SH3GL3: variants seen among roughly 807,000 people sequenced by gnomAD.
SH3GL3 encodes SH3 domain containing GRB2 like 3, endophilin A3, also known as endophilin-A3.
SH3GL3 carries 33 observed loss-of-function variants against 47.7 expected under a neutral mutation model. The observed-to-expected ratio is 0.69, with a 90% CI of 0.52 to 0.92. The LOEUF (loss-of-function observed/expected upper bound fraction) is 0.92. SH3GL3 is among the 40% of genes least tolerant of loss of function. The pLI is 0.00. For missense variants in SH3GL3, 363 were observed against 417.8 expected (o/e 0.87, Z 1.14); for synonymous variants, 155 against 148.8 (o/e 1.04, Z -0.30).
At chr15:83,588,513 G>C (rs952408251) in intron 7 of SH3GL3, 149 bp from the exon 8 acceptor site, 1 of 602,680 alleles carries the variant, frequency 1.7e-6, no homozygotes, top group Non-Finnish European at 3.0e-6. Flanking sequence ...CCATCACTTC[G>C]GGCTACTCAA....
At chr15:83,607,651 A>T (rs2060553761) in intron 8 of SH3GL3, among the ~76,000 whole-genome samples, 3 of 152,076 alleles carry the variant, frequency 2.0e-5, no homozygotes, top group Admixed American at 2.0e-4. Context: ...TTTCAAGAGA[A>T]GCCAGAAACC....
chr15:83,566,245 C>T (rs1029225085), intron 3 of SH3GL3, among the ~76,000 whole-genome samples: 10 of 152,068 alleles, frequency 6.6e-5, no homozygotes, highest in African/African-American at 2.4e-4. Context: ...CTGGTTATTC[C>T]TAGAGAAGAG....
At chr15:83,568,366 T>G (rs1164890090) in intron 3 of SH3GL3, among the ~76,000 whole-genome samples, 163 bp from the exon 4 acceptor site, 1 of 152,148 alleles carries the variant, frequency 6.6e-6, no homozygotes, top group Non-Finnish European at 1.5e-5. Context: ...CCTAGAAAAT[T>G]ACCTGAGAAA....
At chr15:83,525,912 T>C (rs1382079926) in intron 1 of SH3GL3, among the ~76,000 whole-genome samples, 2 of 152,178 alleles carry the variant, frequency 1.3e-5, no homozygotes, top group Non-Finnish European at 2.9e-5. Flanking sequence ...CCGTGATGCT[T>C]TGATTACTAT....
intron 8 of SH3GL3, among the ~76,000 whole-genome samples, chr15:83,593,633 A>G (rs989164479): frequency 6.6e-6 from 1 of 152,138 alleles, no homozygotes; most frequent in Non-Finnish European, 1.5e-5. Context: ...TGTTCACGTC[A>G]TCTATAAATG....
At chr15:83,628,241 A>G in the SH3GL3 span, among the ~76,000 whole-genome samples, 1 of 152,232 alleles carries the variant, frequency 6.6e-6, no homozygotes, top group Non-Finnish European at 1.5e-5. Flanking sequence ...AGAAACTAGA[A>G]GAATGGGAAG....
At position 83,570,549 on chromosome 15, in the gene SH3GL3, A is replaced by C. The variant is rs77274766; in HGVS notation, c.331+1877A>C. Among the ~76,000 whole-genome samples, 3,972 of 152,320 alleles carry C rather than the reference A, an allele frequency of 0.026. 211 individuals are homozygous for C. In the East Asian group the frequency reaches 0.27, roughly 10 times the overall value. On this transcript the variant is annotated intron_variant, in intron 4 of 8. Transcript: ENST00000427482. ...ATTAAATTTTGATTGAGATTCATTT[A>C]AATTAATACATTAAATTGAGGATGA...
At chr15:83,628,310 C>T in the SH3GL3 span, among the ~76,000 whole-genome samples, 2 of 152,144 alleles carry the variant, frequency 1.3e-5, no homozygotes, top group African/African-American at 2.4e-5. Context: ...TCAGAGAAGA[C>T]TCAAGTTTTC....
Position 83,447,718 on chromosome 15 carries a change from G to C in SH3GL3, c.45+140G>C, listed in dbSNP as rs1401054114. 1.8e-6 allele frequency: 1 copy of C among 548,698 alleles called. No individual in the cohort carries two copies. The highest frequency in any genetic ancestry group is 3.0e-6 in the Non-Finnish European group (1 of 330,772). 34.0% of individuals were successfully genotyped at this position (548,698 alleles called of 1,614,324 possible). On this transcript the variant is annotated intron_variant, in intron 1 of 8. Transcript: ENST00000427482. This position sits in a 1 kb window ranked among gnomAD's most constrained non-coding sequence, Gnocchi z 5.1. ...TCTTCCCGCCTAGGAGGGCGCGAGG[G>C]TGGGGTGAGGGGCCGCCTGCTCTCT...
chr15:83,624,363 A>G, the SH3GL3 span, among the ~76,000 whole-genome samples: 28 of 152,276 alleles, frequency 1.8e-4, no homozygotes, highest in Non-Finnish European at 3.4e-4. Context: ...AATGAGCAAC[A>G]CCAGGGTTCA....
At chr15:83,453,836 T>A (rs1276111520) in intron 1 of SH3GL3, among the ~76,000 whole-genome samples, 2 of 15,234 alleles carry the variant, frequency 1.3e-4, no homozygotes, top group South Asian at 0.012. Context: ...TAGTTATTTC[T>A]TGCCTTCTGC....
downstream of SH3GL3, among the ~76,000 whole-genome samples, chr15:83,619,634 C>A (rs1433096162): frequency 5.3e-5 from 8 of 152,250 alleles, no homozygotes; most frequent in East Asian, 1.2e-3. Context: ...CTTAAAAAAA[C>A]AAACTACACA....
chr15:83,543,462 G>GT (rs974958210), intron 1 of SH3GL3, among the ~76,000 whole-genome samples: 10 of 151,810 alleles, frequency 6.6e-5, no homozygotes, highest in African/African-American at 1.4e-4. Context: ...TTGTTTGTTT[G>GT]TTTTTTGATG....
At chr15:83,603,095 G>T (rs548826468) in intron 8 of SH3GL3, among the ~76,000 whole-genome samples, 61 of 152,138 alleles carry the variant, frequency 4.0e-4, no homozygotes, top group Non-Finnish European at 7.8e-4. Context: ...CGCTTCCCAG[G>T]TTCAAGCAAT....
chr15:83,614,426 C>A (rs1294757399), intron 8 of SH3GL3, among the ~76,000 whole-genome samples: 1 of 152,164 alleles, frequency 6.6e-6, no homozygotes, highest in Admixed American at 6.5e-5. Context: ...AAGTCACGAC[C>A]CAGTACAGGA....
intron 4 of SH3GL3, among the ~76,000 whole-genome samples, chr15:83,571,001 T>C (rs917967901): frequency 6.6e-6 from 1 of 152,036 alleles, no homozygotes. Context: ...CGAAAAAAAC[T>C]TGGGATGAGG....
At chr15:83,631,648 T>C in the SH3GL3 span, among the ~76,000 whole-genome samples, 3 of 152,214 alleles carry the variant, frequency 2.0e-5, no homozygotes, top group Non-Finnish European at 4.4e-5. Context: ...TAGCCACAGC[T>C]GGAGCTGAAG....
chr15:83,514,175 G>A (rs1203178139), intron 1 of SH3GL3, among the ~76,000 whole-genome samples: 6 of 152,196 alleles, frequency 3.9e-5, no homozygotes, highest in Admixed American at 6.5e-5. Flanking sequence ...AATATAATGA[G>A]ATGTGACACT....
At chr15:83,461,591 C>A (rs1043125407) in intron 1 of SH3GL3, among the ~76,000 whole-genome samples, 6 of 151,566 alleles carry the variant, frequency 4.0e-5, no homozygotes, top group African/African-American at 1.5e-4. Flanking sequence ...TTAAAAAAAA[C>A]TATTCGTGAG....
Sources: gnomAD v4.1 joint callset for allele counts (sites outside exome capture counted in the v4.1 genomes callset) on GRCh38, gnomAD v4.1.1 for gene constraint, Gnocchi (gnomAD v3.1) non-coding constraint, MANE v1.5 for transcripts, NCBI Gene and HGNC (gene_info 2026-07-23, HGNC 2026-07-21) for gene names.